Variants in VAV3 observed in about 807,000 individuals in gnomAD.
The protein encoded by VAV3 is guanine nucleotide exchange factor VAV3.
VAV3 carries 94 observed loss-of-function variants against 131.2 expected under a neutral mutation model. The ratio of observed to expected loss-of-function variants is 0.72; its 90% CI spans 0.61 to 0.85. The LOEUF is 0.85. Ranked by LOEUF, VAV3 falls within the 40% of genes least tolerant of loss-of-function variation. VAV3 has a pLI of 0.00. For missense variants in VAV3, 939 were observed against 1,002.7 expected, an observed-to-expected ratio of 0.94 and a Z score of 0.86; for synonymous variants, 349 against 342.0, an observed-to-expected ratio of 1.02 and a Z score of -0.22.
intron 1 of VAV3, among the ~76,000 whole-genome samples, chr1:107,963,930 C>G (rs988536697): frequency 4.6e-5 from 7 of 152,208 alleles, no homozygotes; most frequent in African/African-American, 1.7e-4. Flanking sequence ...AGAGGCAGCT[C>G]CAGCCCCAGG....
At chr1:107,733,354 C>T (rs933027199) in intron 15 of VAV3, among the ~76,000 whole-genome samples, 1 of 152,210 alleles carries the variant, frequency 6.6e-6, no homozygotes, top group Admixed American at 6.5e-5. Flanking sequence ...CGCAGCTCCT[C>T]GCCAGCAATG....
chr1:107,644,416 C>A (rs931396128), intron 19 of VAV3, among the ~76,000 whole-genome samples: 2 of 152,032 alleles, frequency 1.3e-5, no homozygotes, highest in African/African-American at 4.8e-5. Flanking sequence ...GCAAGGAAAG[C>A]ATCTTGTTTG....
intron 20 of VAV3, among the ~76,000 whole-genome samples, chr1:107,629,790 TATA>T (rs1159798487): frequency 1.3e-5 from 2 of 152,138 alleles, no homozygotes; most frequent in African/African-American, 2.4e-5. Context: ...TTACTGTTGT[TATA>T]ATAATAATAC....
intron 25 of VAV3, among the ~76,000 whole-genome samples, chr1:107,588,671 T>A (rs1005571344): frequency 1.3e-5 from 2 of 152,200 alleles, no homozygotes; most frequent in Admixed American, 6.5e-5. Context: ...AGGGAATACA[T>A]CATACTAGCA....
intron 1 of VAV3, among the ~76,000 whole-genome samples, chr1:107,907,368 G>A (rs767622476): frequency 2.4e-4 from 36 of 152,108 alleles, no homozygotes; most frequent in Non-Finnish European, 4.1e-4. Context: ...TGACAATATC[G>A]TAAGTGATAA....
chr1:107,953,620 A>G (rs1226039093), intron 1 of VAV3, among the ~76,000 whole-genome samples: 1 of 152,212 alleles, frequency 6.6e-6, no homozygotes, highest in Non-Finnish European at 1.5e-5. Flanking sequence ...AGAGGCAAAG[A>G]GAAGGAAACA....
intron 15 of VAV3, among the ~76,000 whole-genome samples, chr1:107,712,339 T>C (rs772503651): frequency 6.6e-6 from 1 of 152,100 alleles, no homozygotes; most frequent in Non-Finnish European, 1.5e-5. Flanking sequence ...GAGATTGAGA[T>C]TTTTTGTGTG....
At chr1:107,756,893 T>C (rs901000655) in intron 11 of VAV3, among the ~76,000 whole-genome samples, 1 of 152,016 alleles carries the variant, frequency 6.6e-6, no homozygotes, top group African/African-American at 2.4e-5. Flanking sequence ...TTAGTCACCA[T>C]GAAAAGAATG....
chr1:107,579,280 G>A (rs1365510486), intron 25 of VAV3, among the ~76,000 whole-genome samples: 5 of 152,146 alleles, frequency 3.3e-5, no homozygotes, highest in African/African-American at 4.8e-5. Context: ...GAGATTCTTC[G>A]ATATGGTTTG....
At chr1:107,574,660 A>G (rs1021262176) in intron 25 of VAV3, among the ~76,000 whole-genome samples, 1 of 152,170 alleles carries the variant, frequency 6.6e-6, no homozygotes, top group African/African-American at 2.4e-5. Context: ...AAACAACGAA[A>G]TATTTTGCTC....
chr1:107,964,724 T>C lies in VAV3; in HGVS notation c.146A>G (p.Asn49Ser), dbSNP rs893645670. The change falls in exon 1 of 27, where the codon AAC (asparagine) becomes AGC (serine). Residue 49 changes from asparagine to serine, a missense_variant. Physicochemically the swap from Asn to Ser is conservative, Grantham distance 46. Transcript: ENST00000370056. Reference sequence around the variant, plus strand: ...CAGGTTGATGGAGTGCGCCCGGAGGTTGTTAAGCAGCTGGCAGAGCAGGAC... The same window carrying C: ...CAGGTTGATGGAGTGCGCCCGGAGGCTGTTAAGCAGCTGGCAGAGCAGGAC... ...DGVLLCQLLN[N>S]LRAHSINLKE... The C allele has an allele frequency of 2.5e-6, 4 of 1,613,606 alleles. No homozygotes were observed. Among genetic ancestry groups the C allele is most frequent in the Middle Eastern group, 1.6e-4 (1 of 6,078 alleles).
rs1445895132 is a variant in VAV3 at position 107,602,450 on chromosome 1, T to G, written c.2167A>C (p.Thr723Pro). The G allele has an allele frequency of 6.3e-7, 1 of 1,575,402 alleles. No individual in the cohort carries two copies. The highest frequency in any genetic ancestry group is 8.6e-7 in the Non-Finnish European group (1 of 1,168,010). The change falls in exon 24 of 27, where the codon ACA becomes CCA. Residue 723 changes from threonine (T) to proline (P), a missense_variant. Thr to Pro is a conservative substitution (Grantham distance 38, BLOSUM62 -1). Transcript: ENST00000370056. Reference protein sequence around the residue: ...NNEAKHIKILTRDGFFHIAEN... With the variant: ...NNEAKHIKILPRDGFFHIAEN... ...GCAATGTGAAAAAAGCCATCTCTTG[T>G]TAAAATCTTGATGTGCTTTGCTTCA...
At chr1:107,616,514 A>C (rs1275394615) in intron 21 of VAV3, among the ~76,000 whole-genome samples, 2 of 152,142 alleles carry the variant, frequency 1.3e-5, no homozygotes, top group Non-Finnish European at 2.9e-5. Flanking sequence ...TGACACAATA[A>C]TCTGTACACC....
At chr1:107,908,448 T>A (rs1557916559) in intron 1 of VAV3, among the ~76,000 whole-genome samples, 3 of 152,166 alleles carry the variant, frequency 2.0e-5, no homozygotes, top group Admixed American at 6.5e-5. Flanking sequence ...AAAATACCTG[T>A]AGCAATTTAT....
chr1:107,814,467 T>A (rs919279981), intron 2 of VAV3, among the ~76,000 whole-genome samples: 4 of 149,550 alleles, frequency 2.7e-5, no homozygotes, highest in Non-Finnish European at 5.9e-5. Flanking sequence ...TGTTTATTCA[T>A]GTTTTTACAT....
At chr1:107,622,643 G>T (rs144577192) in intron 20 of VAV3, among the ~76,000 whole-genome samples, 1 of 152,152 alleles carries the variant, frequency 6.6e-6, no homozygotes, top group Non-Finnish European at 1.5e-5. Context: ...ATTTATGAAC[G>T]ATTGGAAATT....
intron 25 of VAV3, among the ~76,000 whole-genome samples, chr1:107,578,082 G>C (rs1158156051): frequency 1.3e-5 from 2 of 152,140 alleles, no homozygotes; most frequent in African/African-American, 4.8e-5. Flanking sequence ...GGATAGCAGT[G>C]ACTTATTAAG....
intron 2 of VAV3, among the ~76,000 whole-genome samples, chr1:107,870,909 G>T (rs1221295704): frequency 2.6e-5 from 4 of 152,166 alleles, no homozygotes; most frequent in Middle Eastern, 3.2e-3. Context: ...GTAAGGAGAT[G>T]ACTTTAGTCA....
In VAV3 at chr1:107,779,350, G is replaced by A; in HGVS notation, c.380+84C>T. On this transcript the variant is annotated intron_variant, in intron 3 of 26. Transcript: ENST00000370056. The stretch of plus-strand genomic sequence containing the variant: ...AATGAGACATAGTACCTGTGTGCAA[G>A]ATGCTTCACAAATAGTAACCATTTA... The A allele has an allele frequency of 3.2e-6, 4 of 1,265,280 alleles. No homozygotes were observed. The South Asian group carries it at 6.9e-5, about 22-fold the overall frequency. 78.4% of individuals were successfully genotyped at this position (1,265,280 alleles called of 1,614,324 possible).
Sources: allele counts gnomAD v4.1 joint callset (sites outside exome capture counted in the v4.1 genomes callset), GRCh38; gene constraint gnomAD v4.1.1; transcripts MANE v1.5; gene names NCBI Gene and HGNC (gene_info 2026-07-23, HGNC 2026-07-21).